Variants in ERC2 observed in about 807,000 individuals in gnomAD.
ERC2 encodes ELKS/RAB6-interacting/CAST family member 2, also known as ERC protein 2.
A neutral mutation model predicts 114.8 loss-of-function variants in ERC2; 42 were observed. The observed-to-expected ratio is 0.37, with a 90% CI of 0.29 to 0.47. The LOEUF (loss-of-function observed/expected upper bound fraction) is 0.47, where lower values mean the gene tolerates loss of function less well. ERC2 is among the 20% of genes least tolerant of loss of function. ERC2 has a pLI of 0.99. For missense variants in ERC2, 939 were observed against 1,150.7 expected (o/e 0.82, Z 2.66); for synonymous variants, 454 against 425.5 (o/e 1.07, Z -0.82).
chr3:55,900,672 C>T (rs1227641312), intron 13 of ERC2, among the ~76,000 whole-genome samples: 1 of 152,200 alleles, frequency 6.6e-6, no homozygotes, highest in Non-Finnish European at 1.5e-5. Flanking sequence ...TAGGGAGTGG[C>T]TTCCCTATAT....
At chr3:55,664,873 C>T (rs2061296016) in intron 17 of ERC2, among the ~76,000 whole-genome samples, 1 of 152,164 alleles carries the variant, frequency 6.6e-6, no homozygotes, top group Admixed American at 6.5e-5. Flanking sequence ...AGCAGTAGGT[C>T]TGCATTTGAT....
At chr3:55,706,662 T>G (rs1011170855) in intron 15 of ERC2, among the ~76,000 whole-genome samples, 7 of 152,168 alleles carry the variant, frequency 4.6e-5, no homozygotes, top group African/African-American at 1.4e-4. Context: ...TCCACCCACC[T>G]CAGCCTCCCA....
At chr3:55,772,299 C>T (rs1385172436) in intron 14 of ERC2, among the ~76,000 whole-genome samples, 1 of 151,848 alleles carries the variant, frequency 6.6e-6, no homozygotes, top group African/African-American at 2.4e-5. Flanking sequence ...TGCACCACCA[C>T]GCCTGGCTAC....
chr3:56,464,091 G>A (rs1048052995), intron 1 of ERC2, among the ~76,000 whole-genome samples: 2 of 152,134 alleles, frequency 1.3e-5, no homozygotes, highest in Non-Finnish European at 2.9e-5. Flanking sequence ...ATGGGAGTGA[G>A]GGGATGAAAA....
At chr3:55,721,163 A>G (rs931540546) in intron 15 of ERC2, among the ~76,000 whole-genome samples, 6 of 152,206 alleles carry the variant, frequency 3.9e-5, no homozygotes, top group Non-Finnish European at 5.9e-5. Context: ...TGCTGCCTTT[A>G]CGTGCAGATT....
chr3:56,435,493 G>A (rs532496362), intron 1 of ERC2, among the ~76,000 whole-genome samples: 2 of 152,272 alleles, frequency 1.3e-5, no homozygotes, highest in African/African-American at 4.8e-5. Context: ...CCATGGAATT[G>A]CCCATCATGG....
At chr3:56,435,320 T>C (rs2061969259) in intron 1 of ERC2, among the ~76,000 whole-genome samples, 173 bp from the exon 2 acceptor site, 1 of 152,220 alleles carries the variant, frequency 6.6e-6, no homozygotes, top group Non-Finnish European at 1.5e-5. Flanking sequence ...AAAGCAACTC[T>C]AGAACTTTAC....
chr3:55,829,918 T>C (rs1414568789), intron 14 of ERC2, among the ~76,000 whole-genome samples: 1 of 152,114 alleles, frequency 6.6e-6, no homozygotes, highest in Non-Finnish European at 1.5e-5. Context: ...TAACTGAAAC[T>C]TCTGAAATTT....
intron 17 of ERC2, among the ~76,000 whole-genome samples, chr3:55,627,353 C>G (rs559746340): frequency 2.0e-4 from 31 of 152,176 alleles, no homozygotes; most frequent in African/African-American, 7.5e-4. Flanking sequence ...GTAATCCCAG[C>G]TACTCGGGAG....
chr3:56,156,837 C>A (rs1428314557), intron 4 of ERC2, among the ~76,000 whole-genome samples: 1 of 152,132 alleles, frequency 6.6e-6, no homozygotes, highest in Non-Finnish European at 1.5e-5. Flanking sequence ...CAAAAAACTA[C>A]TGATGACTTA....
Position 55,508,868 on chromosome 3 carries a change from C to T in ERC2, c.*2448G>A, listed in dbSNP as rs1408518006. 2.0e-5 allele frequency: 3 copies of T among 152,594 alleles called. 1 individual carries two copies. The allele number at this position is 152,594 out of a possible 1,614,324, so 9.5% of individuals were successfully genotyped here. A position where few individuals can be genotyped will look rare whatever the true frequency, so the allele number is the denominator to read the frequency against. ...CTTTTGCACAAAGTAAGACCAACTT[C>T]TCCTAAATGTTAGCCCAAACTTCTT... On this transcript the variant is annotated 3_prime_UTR_variant, in exon 18 of 18. Transcript: ENST00000288221.
intron 15 of ERC2, among the ~76,000 whole-genome samples, chr3:55,715,298 C>T (rs979072337): frequency 6.6e-5 from 10 of 152,172 alleles, no homozygotes; most frequent in African/African-American, 2.2e-4. Flanking sequence ...GATCAAGTCA[C>T]TGTCTATCTG....
At chr3:55,870,219 C>T (rs550385307) in intron 14 of ERC2, among the ~76,000 whole-genome samples, 33 of 152,140 alleles carry the variant, frequency 2.2e-4, no homozygotes, top group South Asian at 6.2e-4. Flanking sequence ...GGACCACAGA[C>T]GCCCGTCACC....
chr3:55,877,515 CTTT>C (rs369593635), intron 14 of ERC2, among the ~76,000 whole-genome samples: 13,346 of 140,414 alleles, frequency 0.095, 599 homozygotes, highest in South Asian at 0.15. Context: ...TTTATTTTTT[CTTT>C]TTTTTTTTTT....
chr3:55,881,266 G>A (rs895288970), intron 14 of ERC2, among the ~76,000 whole-genome samples: 1 of 152,130 alleles, frequency 6.6e-6, no homozygotes, highest in African/African-American at 2.4e-5. Flanking sequence ...CGAATAAGCT[G>A]CTGTCTTACC....
intron 3 of ERC2, among the ~76,000 whole-genome samples, chr3:56,185,883 A>G (rs2083569917): frequency 2.6e-5 from 4 of 152,082 alleles, no homozygotes; most frequent in Non-Finnish European, 5.9e-5. Context: ...GAGATGCGGC[A>G]GATGAGGATG....
At chr3:55,941,372 T>A (rs1431132212) in intron 13 of ERC2, among the ~76,000 whole-genome samples, 1 of 152,154 alleles carries the variant, frequency 6.6e-6, no homozygotes, top group African/African-American at 2.4e-5. Context: ...CTGCCTTGTC[T>A]AAGATTACAC....
chr3:56,405,060 C>G (rs1184311899), intron 2 of ERC2, among the ~76,000 whole-genome samples: 1 of 152,122 alleles, frequency 6.6e-6, no homozygotes, highest in African/African-American at 2.4e-5. Context: ...AATAGGTTGA[C>G]TTTGGCCAAA....
chr3:56,039,930 T>A (rs1014597554), intron 7 of ERC2, among the ~76,000 whole-genome samples: 8 of 152,138 alleles, frequency 5.3e-5, no homozygotes, highest in African/African-American at 1.9e-4. Flanking sequence ...TTGGAAAAAC[T>A]GGATATCCAT....
Sources: gnomAD v4.1 joint callset for allele counts (sites outside exome capture counted in the v4.1 genomes callset) on GRCh38, gnomAD v4.1.1 for gene constraint, MANE v1.5 for transcripts, NCBI Gene and HGNC (gene_info 2026-07-23, HGNC 2026-07-21) for gene names.